RASGEF1B: variants seen among roughly 807,000 people sequenced by gnomAD.
RASGEF1B encodes the protein RasGEF domain family member 1B.
In RASGEF1B, 30 loss-of-function variants were observed where a neutral mutation model predicts 65.7. The observed-to-expected ratio is 0.46, with a 90% CI of 0.34 to 0.62. RASGEF1B has a LOEUF of 0.62. Ranked by LOEUF, RASGEF1B falls within the 20% of genes least tolerant of loss-of-function variation. The pLI is 0.01. For synonymous variants in RASGEF1B, 175 were observed against 194.8 expected, an observed-to-expected ratio of 0.90 and a Z score of 0.85; for missense variants, 495 against 580.1, an observed-to-expected ratio of 0.85 and a Z score of 1.51.
chr4:81,435,836 G>A lies in RASGEF1B; in HGVS notation c.1105-1102C>T, dbSNP rs147433372. 4.5e-3 allele frequency among the ~76,000 whole-genome samples: 640 copies of A among 141,612 alleles called. 5 individuals carry two copies. Among genetic ancestry groups the A allele is most frequent in the African/African-American group, 0.016 (600 of 36,678 alleles). 92.9% of individuals were successfully genotyped at this position (141,612 alleles called of 152,430 possible). ...TTCTCTGTCACCCTGGCTGGAGTAC[G>A]GTGGTGCAATCATGGCTTACTGCAG... On this transcript the variant is annotated intron_variant, in intron 10 of 13. Coordinates refer to ENST00000264400, the MANE Select transcript of RASGEF1B (RefSeq NM_152545.3).
intron 10 of RASGEF1B, 49 bp downstream of exon 10, chr4:81,440,785 T>C: frequency 7.9e-7 from 1 of 1,269,402 alleles, no homozygotes; most frequent in Non-Finnish European, 1.1e-6. Flanking sequence ...CATTTCAGCA[T>C]AAAACACAGC....
rs561779209 is a variant in RASGEF1B, at chr4:81,448,225, C to A, written c.498G>T (p.Ala166=). ...MMQCLIRKLA[A]LSQYEEVLAK... ...CCAGGACTTCTTCGTACTGGCTGAG[C>A]GCAGCAAGCTTGCGGATCAGACACT... is the stretch of plus-strand genomic sequence containing the variant. The change falls in exon 5 of 14, where the codon GCG becomes GCT. Residue 166 remains alanine (A), a synonymous_variant. Transcript: ENST00000264400. 9 of 1,613,642 alleles carry A rather than the reference C, an allele frequency of 5.6e-6. No homozygotes were observed. Among genetic ancestry groups the A allele is most frequent in the Non-Finnish European group, 7.6e-6 (9 of 1,180,012 alleles).
intron 10 of RASGEF1B, among the ~76,000 whole-genome samples, chr4:81,438,735 C>T (rs1025789565): frequency 1.3e-5 from 2 of 151,870 alleles, no homozygotes; most frequent in African/African-American, 4.8e-5. Flanking sequence ...CCCCCAGCCC[C>T]CTACTGGCCC....
intron 1 of RASGEF1B, among the ~76,000 whole-genome samples, chr4:81,460,540 A>G (rs1435471202): frequency 6.6e-6 from 1 of 152,152 alleles, no homozygotes; most frequent in African/African-American, 2.4e-5. Flanking sequence ...TTTCTTTTTA[A>G]GATGCCAAAA....
intron 10 of RASGEF1B, 53 bp downstream of exon 10, chr4:81,440,781 A>G (rs975902957): frequency 2.5e-6 from 3 of 1,185,166 alleles, no homozygotes; most frequent in Non-Finnish European, 3.7e-6. Flanking sequence ...ATAGCATTTC[A>G]GCATAAAACA....
Position 81,440,936 on chromosome 4 carries a change from A to G in RASGEF1B, c.1009-7T>C. Reference sequence around the variant, plus strand: ...TTGAAGGGTCCATCTGATGCTATAGATAAAAGAGAGAAGAATATTAACTAT... The same window carrying G: ...TTGAAGGGTCCATCTGATGCTATAGGTAAAAGAGAGAAGAATATTAACTAT... On this transcript the variant is annotated splice_region_variant and splice_polypyrimidine_tract_variant and intron_variant, in intron 9 of 13. Transcript: ENST00000264400. 6.4e-7 allele frequency: 1 copy of G among 1,551,608 alleles called. No individual in the cohort carries two copies. The highest frequency in any genetic ancestry group is 8.9e-7 in the Non-Finnish European group (1 of 1,125,382).
intron 7 of RASGEF1B, 52 bp downstream of exon 7, chr4:81,445,691 A>C (rs995167896): frequency 6.3e-7 from 1 of 1,585,110 alleles, no homozygotes; most frequent in African/African-American, 1.3e-5. Flanking sequence ...TTCTAAAATA[A>C]GTATGAAAAA....
intron 13 of RASGEF1B, 131 bp downstream of exon 13, chr4:81,432,168 G>T: frequency 1.9e-6 from 1 of 521,744 alleles, no homozygotes; most frequent in Non-Finnish European, 3.4e-6. Flanking sequence ...ACAAAGATTT[G>T]GTGTACAAGA....
At chr4:81,432,407 A>G in intron 12 of RASGEF1B, 36 bp from the exon 13 acceptor site, 1 of 1,347,166 alleles carries the variant, frequency 7.4e-7, no homozygotes, top group Non-Finnish European at 1.1e-6. Context: ...TTAACATTAA[A>G]GCCTTCTCCT....
At position 81,459,048 on chromosome 4, in the gene RASGEF1B, T is replaced by C. The variant is rs149426939; in HGVS notation, c.177+284A>G. 4.4e-3 allele frequency: 1,164 copies of C among 267,366 alleles called. 11 individuals are homozygous for C. Among genetic ancestry groups the C allele is most frequent in the African/African-American group, 0.023 (1,040 of 45,548 alleles). 16.6% of individuals were successfully genotyped at this position (267,366 alleles called of 1,614,324 possible). On this transcript the variant is annotated intron_variant, in intron 2 of 13. Coordinates refer to ENST00000264400, the MANE Select transcript of RASGEF1B (RefSeq NM_152545.3). Reference sequence around the variant, plus strand: ...TGACATTTCTATTTAAGGACTAAGCTATATGCATGAATCAACTCTACAGAT... The same window carrying C: ...TGACATTTCTATTTAAGGACTAAGCCATATGCATGAATCAACTCTACAGAT...
At chr4:81,466,937 TAA>T (rs760715662) in intron 1 of RASGEF1B, among the ~76,000 whole-genome samples, 5 of 94,696 alleles carry the variant, frequency 5.3e-5, no homozygotes, top group African/African-American at 1.3e-4. Context: ...CTTACCTCCT[TAA>T]AAAAAAAAAA....
At chr4:81,461,389 C>T (rs188610047) in intron 1 of RASGEF1B, among the ~76,000 whole-genome samples, 1 of 152,334 alleles carries the variant, frequency 6.6e-6, no homozygotes, top group Admixed American at 6.5e-5. Flanking sequence ...CCACAGTGTC[C>T]TTCACATGCA....
At chr4:81,455,643 C>T (rs1249556908) in intron 4 of RASGEF1B, 1 of 152,198 alleles carries the variant, frequency 6.6e-6, no homozygotes, top group African/African-American at 2.4e-5. Context: ...ATGGAAACTA[C>T]AAGGGCATCC....
intron 7 of RASGEF1B, 53 bp from the exon 8 acceptor site, chr4:81,445,681 T>C: frequency 6.3e-7 from 1 of 1,586,132 alleles, no homozygotes. Flanking sequence ...GGCCCAACAG[T>C]TCTAAAATAA....
At position 81,448,192 on chromosome 4, in the gene RASGEF1B, G is replaced by C. The variant is rs762884733; in HGVS notation, c.531C>G (p.Ile177Met). 18 of 1,614,126 alleles carry C rather than the reference G, an allele frequency of 1.1e-5. No individual in the cohort carries two copies. The South Asian group carries it at 1.9e-4, about 17-fold the overall frequency. Reference protein sequence around the residue: ...LSQYEEVLAKISSTSTDRLTV... With the variant: ...LSQYEEVLAKMSSTSTDRLTV... The stretch of plus-strand genomic sequence containing the variant: ...TGAGCCGATCTGTGGATGTGGAGCT[G>C]ATTTTTGCCAGGACTTCTTCGTACT... The change falls in exon 5 of 14, where the codon ATC becomes ATG. Residue 177 changes from isoleucine (I) to methionine (M), a missense_variant. By Grantham distance (10) the Ile-to-Met change is conservative. Transcript: ENST00000264400.
rs754067756 is a variant in RASGEF1B, at chr4:81,435,417, C to CA, written c.1105-684dup. Among the ~76,000 whole-genome samples, 492 of 55,170 alleles carry CA rather than the reference C, an allele frequency of 8.9e-3. 1 individual carries two copies. Among genetic ancestry groups the CA allele is most frequent in the East Asian group, 0.018 (23 of 1,276 alleles). The allele number at this position is 55,170 out of a possible 152,430, so 36.2% of individuals were successfully genotyped here. A position where few individuals can be genotyped will look rare whatever the true frequency, so the allele number is the denominator to read the frequency against. Reference sequence around the variant, plus strand: ...TGGGCGACAGAGCGAGACTCCCTCTCAAAAAAAAAAAAAAAAAAAAAGAAT... The same window carrying CA: ...TGGGCGACAGAGCGAGACTCCCTCTCAAAAAAAAAAAAAAAAAAAAAAGAAT... On this transcript the variant is annotated intron_variant, in intron 10 of 13. Transcript: ENST00000264400.
Position 81,435,214 on chromosome 4 carries a change from A to G in RASGEF1B, c.1105-480T>C, listed in dbSNP as rs888308067. On this transcript the variant is annotated intron_variant, in intron 10 of 13. Transcript: ENST00000264400. Reference sequence around the variant, plus strand: ...ATCATGAGGTCAGGAGATCAAGACCATCCTGGCTAACAAGGTGAAACCCCG... The same window carrying G: ...ATCATGAGGTCAGGAGATCAAGACCGTCCTGGCTAACAAGGTGAAACCCCG... Among the ~76,000 whole-genome samples the G allele has an allele frequency of 5.3e-5, 8 of 151,988 alleles. No homozygotes were observed. In the South Asian group the frequency reaches 1.7e-3, roughly 32 times the overall value.
At chr4:81,443,941 TG>T (rs1181329215) in intron 8 of RASGEF1B, among the ~76,000 whole-genome samples, 2 of 152,374 alleles carry the variant, frequency 1.3e-5, no homozygotes, top group East Asian at 3.9e-4. Flanking sequence ...CACTATTTGG[TG>T]TAACCAGTTT....
intron 4 of RASGEF1B, chr4:81,455,091 T>G (rs933109208): frequency 2.0e-5 from 3 of 152,256 alleles, no homozygotes; most frequent in Admixed American, 1.3e-4. Flanking sequence ...GATGAAGGTT[T>G]TTAAATTTTT....
Sources: gnomAD v4.1 joint callset for allele counts (sites outside exome capture counted in the v4.1 genomes callset) on GRCh38, gnomAD v4.1.1 for gene constraint, MANE v1.5 for transcripts, NCBI Gene and HGNC (gene_info 2026-07-23, HGNC 2026-07-21) for gene names.